The following HTR4 variants were observed in gnomAD, a reference collection of about 807,000 sequenced individuals.
HTR4 encodes 5-hydroxytryptamine receptor 4.
A neutral mutation model predicts 36.8 loss-of-function variants in HTR4; 16 were observed. That is an observed-to-expected ratio of 0.43 (90% CI 0.29 to 0.66). The LOEUF is 0.66. HTR4 is among the 30% of genes least tolerant of loss of function. The probability of loss-of-function intolerance (pLI) is 0.13; values close to 1 mark genes in which losing one functional copy is unlikely to be tolerated. For missense variants in HTR4, 438 were observed against 490.9 expected, an observed-to-expected ratio of 0.89 and a Z score of 1.02; for synonymous variants, 189 against 185.1, an observed-to-expected ratio of 1.02 and a Z score of -0.17.
rs1755130232 is a variant in HTR4, at chr5:148,457,571, TC to T, written c.1077-6300del. Among the ~76,000 whole-genome samples the T allele has an allele frequency of 4.0e-5, 6 of 151,264 alleles. 1 individual carries two copies. In the South Asian group the frequency reaches 1.2e-3, roughly 31 times the overall value. On this transcript the variant is annotated intron_variant, in intron 5 of 5. Coordinates refer to the HTR4 transcript ENST00000521530. ...CCAGCCTTCTCCTGCAAGGCAGTGT[TC>T]ACAAAGACTGGGTGAGGAGGGAGGT...
Position 148,482,732 on chromosome 5 carries a change from G to T in HTR4, c.*471C>A. 9.9e-7 allele frequency: 1 copy of T among 1,011,586 alleles called. No individual in the cohort carries two copies. Among genetic ancestry groups the T allele is most frequent in the South Asian group, 4.1e-5 (1 of 24,214 alleles). The allele number at this position is 1,011,586 out of a possible 1,614,324, so 62.7% of individuals were successfully genotyped here. Reference sequence around the variant, plus strand: ...ACATGGCTGTGACGGACGTGACCAAGCAAGTAAGCAAGACAGGAGCGACGC... The same window carrying T: ...ACATGGCTGTGACGGACGTGACCAATCAAGTAAGCAAGACAGGAGCGACGC... On this transcript the variant is annotated 3_prime_UTR_variant, in exon 7 of 7. Coordinates refer to ENST00000377888, the MANE Select transcript of HTR4 (RefSeq NM_000870.7).
At chr5:148,588,762 G>C (rs1373049070) in intron 2 of HTR4, among the ~76,000 whole-genome samples, 1 of 151,008 alleles carries the variant, frequency 6.6e-6, no homozygotes, top group Non-Finnish European at 1.5e-5. Context: ...GGATGGTCTT[G>C]ATCTCCTGAC....
At chr5:148,516,927 A>G (rs998091305) in intron 5 of HTR4, among the ~76,000 whole-genome samples, 3 of 152,182 alleles carry the variant, frequency 2.0e-5, no homozygotes, top group Non-Finnish European at 4.4e-5. Flanking sequence ...AAAAACCACA[A>G]TTACTTTTAC....
intron 2 of HTR4, among the ~76,000 whole-genome samples, chr5:148,620,166 G>A (rs1413988792): frequency 3.3e-5 from 5 of 152,180 alleles, no homozygotes; most frequent in East Asian, 1.9e-4. Context: ...TCACAGCCTC[G>A]ACAAAGAAGG....
intron 4 of HTR4, among the ~76,000 whole-genome samples, chr5:148,547,104 C>A (rs1759416602): frequency 6.6e-6 from 1 of 152,132 alleles, no homozygotes; most frequent in South Asian, 2.1e-4. Context: ...TTAAATACAG[C>A]AGGCCATTAT....
chr5:148,561,014 A>G (rs1046639034), intron 2 of HTR4, among the ~76,000 whole-genome samples: 3 of 152,316 alleles, frequency 2.0e-5, no homozygotes, highest in Admixed American at 6.5e-5. Flanking sequence ...GATGGAAATT[A>G]TATATAATGG....
At chr5:148,545,031 T>C (rs1581453764) in intron 4 of HTR4, among the ~76,000 whole-genome samples, 2 of 152,312 alleles carry the variant, frequency 1.3e-5, no homozygotes, top group South Asian at 4.2e-4. Flanking sequence ...ACCAAACTGT[T>C]AGGACGGGAA....
At chr5:148,588,698 G>C (rs1393202502) in intron 2 of HTR4, among the ~76,000 whole-genome samples, 1 of 150,322 alleles carries the variant, frequency 6.7e-6, no homozygotes, top group Non-Finnish European at 1.5e-5. Context: ...CCGCCACCGC[G>C]CCCGGCTAAT....
chr5:148,641,806 G>A (rs144148171), intron 1 of HTR4, among the ~76,000 whole-genome samples: 8 of 152,210 alleles, frequency 5.3e-5, no homozygotes, highest in East Asian at 3.9e-4. Context: ...CTTTACCCTC[G>A]TTTCTGATTC....
chr5:148,587,936 A>C (rs980062), intron 2 of HTR4, among the ~76,000 whole-genome samples: 41,941 of 152,022 alleles, frequency 0.28, 6,919 homozygotes, highest in Non-Finnish European at 0.37. Context: ...GCACCCTCGT[A>C]CTTCCTCTCC....
chr5:148,637,272 G>A (rs1486697561), intron 1 of HTR4, among the ~76,000 whole-genome samples: 2 of 152,180 alleles, frequency 1.3e-5, no homozygotes, highest in Non-Finnish European at 2.9e-5. Context: ...CCTACTGATC[G>A]CTTTGTGATT....
intron 6 of HTR4, among the ~76,000 whole-genome samples, chr5:148,499,547 G>T (rs1756840913): frequency 6.6e-6 from 1 of 152,138 alleles, no homozygotes; most frequent in South Asian, 2.1e-4. Context: ...CCTTAAGCCT[G>T]CCCTCTAATA....
At chr5:148,590,088 C>T (rs1176025083) in intron 2 of HTR4, among the ~76,000 whole-genome samples, 1 of 151,898 alleles carries the variant, frequency 6.6e-6, no homozygotes, top group Non-Finnish European at 1.5e-5. Context: ...TTAATATAGT[C>T]AAAGAAAACA....
At chr5:148,496,691 A>T (rs1337344578) in intron 6 of HTR4, among the ~76,000 whole-genome samples, 3 of 152,192 alleles carry the variant, frequency 2.0e-5, no homozygotes, top group African/African-American at 7.2e-5. Context: ...GACTGCTCAG[A>T]TGGGAAGCTT....
At chr5:148,495,055 AAGTGTCCT>A (rs1756624632) in intron 6 of HTR4, among the ~76,000 whole-genome samples, 1 of 152,164 alleles carries the variant, frequency 6.6e-6, no homozygotes, top group Non-Finnish European at 1.5e-5. Flanking sequence ...GGAATTGGGT[AAGTGTCCT>A]AGGTTTGAGT....
chr5:148,581,763 G>A (rs1480818241), intron 2 of HTR4, among the ~76,000 whole-genome samples: 1 of 152,052 alleles, frequency 6.6e-6, no homozygotes, highest in Non-Finnish European at 1.5e-5. Flanking sequence ...TCTCAAATCA[G>A]AAATTTTGGT....
chr5:148,560,791 C>T (rs1760171967), intron 2 of HTR4, among the ~76,000 whole-genome samples: 1 of 152,128 alleles, frequency 6.6e-6, no homozygotes, highest in African/African-American at 2.4e-5. Flanking sequence ...TTTAAACCCA[C>T]ATATTTTTAT....
chr5:148,592,420 G>A (rs1761610670), intron 2 of HTR4, among the ~76,000 whole-genome samples: 1 of 151,908 alleles, frequency 6.6e-6, no homozygotes, highest in Admixed American at 6.6e-5. Context: ...TTTTTACTGA[G>A]AATAGATGCC....
At chr5:148,517,137 G>A (rs544420313) in intron 5 of HTR4, among the ~76,000 whole-genome samples, 11 of 152,126 alleles carry the variant, frequency 7.2e-5, no homozygotes, top group South Asian at 2.1e-4. Context: ...GACAGTTCCC[G>A]CCTTATCTAG....
Sources: gnomAD v4.1 joint callset for allele counts (sites outside exome capture counted in the v4.1 genomes callset) on GRCh38, gnomAD v4.1.1 for gene constraint, MANE v1.5 for transcripts, NCBI Gene and HGNC (gene_info 2026-07-23, HGNC 2026-07-21) for gene names.